PLEKHB1: variants seen among roughly 807,000 people sequenced by gnomAD.
PLEKHB1 encodes pleckstrin homology domain containing B1.
Under a neutral mutation model 36.2 loss-of-function variants are expected in PLEKHB1, and 29 were observed. The observed-to-expected ratio is 0.80, with a 90% confidence interval of 0.60 to 1.09. PLEKHB1 has a LOEUF of 1.09. PLEKHB1 is among the 50% of genes least tolerant of loss of function. PLEKHB1 has a pLI of 0.00. For synonymous variants in PLEKHB1, 138 were observed against 140.0 expected, an observed-to-expected ratio of 0.99 and a Z score of 0.10; for missense variants, 330 against 348.2, an observed-to-expected ratio of 0.95 and a Z score of 0.42.
Position 73,660,773 on chromosome 11 carries a change from C to T in PLEKHB1, c.516C>T (p.Tyr172=). 6.3e-7 allele frequency: 1 copy of T among 1,599,188 alleles called. No homozygotes were observed. The highest frequency in any genetic ancestry group is 8.5e-7 in the Non-Finnish European group (1 of 1,174,046). Residue 172 remains tyrosine (Y), a synonymous_variant, in exon 7 of 8, where the codon TAC becomes TAT. Coordinates refer to ENST00000354190, the MANE Select transcript of PLEKHB1 (RefSeq NM_021200.3). ...CCCAGGTGCGCGTCTACAGCCCGTA[C>T]CAAGACTACTACGAGGTGGTGCCCC... The part of the protein sequence containing the change: ...RRIWVRVYSP[Y]QDYYEVVPPN...
chr11:73,656,337 G>A lies in PLEKHB1; in HGVS notation c.495+430G>A, dbSNP rs566360862. ...TCTGTGTAGTCTTCCATGAGGCCTA[G>A]AACTTCCTCCAAGGCAAGAATGAGG... is the stretch of plus-strand genomic sequence containing the variant. On this transcript the variant is annotated intron_variant, in intron 6 of 7. Transcript: ENST00000354190. 4.6e-5 allele frequency among the ~76,000 whole-genome samples: 7 copies of A among 152,216 alleles called. No individual in the cohort carries two copies. The East Asian group carries it at 1.2e-3, about 25-fold the overall frequency.
chr11:73,647,612 C>T (rs1004395228), intron 1 of PLEKHB1: 20 of 985,260 alleles, frequency 2.0e-5, no homozygotes, highest in Non-Finnish European at 2.3e-5. Context: ...GGCTCTCAGG[C>T]GCTGCGGGAG....
At chr11:73,654,326 A>G (rs75688187) in intron 5 of PLEKHB1, among the ~76,000 whole-genome samples, 7,902 of 152,224 alleles carry the variant, frequency 0.052, 291 homozygotes, top group East Asian at 0.15. Context: ...TGTATGGCAC[A>G]ATGGAGCCCC....
In PLEKHB1 at chr11:73,660,756, C is replaced by T. The variant is rs1161864783; in HGVS notation, c.499C>T (p.Arg167Cys). Residue 167 changes from arginine to cysteine, a missense_variant, in exon 7 of 8, where the codon CGC becomes TGC. Transcript: ENST00000354190. ...PCKVERRIWV[R>C]VYSPYQDYYE... ...CTGACATGGTTGGATTCCCCAGGTG[C>T]GCGTCTACAGCCCGTACCAAGACTA... 6 of 1,589,208 alleles carry T rather than the reference C, an allele frequency of 3.8e-6. No individual in the cohort carries two copies. Among genetic ancestry groups the T allele is most frequent in the South Asian group, 1.2e-5 (1 of 86,538 alleles).
rs623566 is a variant in PLEKHB1 at position 73,647,994 on chromosome 11, T to C, written c.19-1018T>C. The C allele has an allele frequency of 0.025, 24,700 of 985,034 alleles. 4,507 individuals carry two copies. The African/African-American group carries it at 0.39, about 16-fold the overall frequency. 61.0% of individuals were successfully genotyped at this position (985,034 alleles called of 1,614,324 possible). ...CTGGATTCCAGTGCAAGCTACATCA[T>C]GTACATGGATGAGTCATTTGCTAAC... On this transcript the variant is annotated intron_variant, in intron 1 of 7. Coordinates refer to ENST00000354190, the MANE Select transcript of PLEKHB1 (RefSeq NM_021200.3).
intron 1 of PLEKHB1, chr11:73,648,642 A>G: frequency 9.8e-7 from 1 of 1,015,282 alleles, no homozygotes; most frequent in African/African-American, 1.7e-5. Context: ...GGCATATTCT[A>G]ATGTTTCAAG....
chr11:73,660,637 C>A, intron 6 of PLEKHB1, 116 bp from the exon 7 acceptor site: 1 of 988,472 alleles, frequency 1.0e-6, no homozygotes. Flanking sequence ...AGGCCCATTT[C>A]TAAACTTGGG....
intron 1 of PLEKHB1, 158 bp from the exon 2 acceptor site, chr11:73,648,854 C>T: frequency 7.1e-7 from 1 of 1,400,204 alleles, no homozygotes. Flanking sequence ...CATTCTCTTC[C>T]TGAGCAGAGA....
At chr11:73,651,735 G>C in intron 3 of PLEKHB1, 53 bp from the exon 4 acceptor site, 1 of 1,437,474 alleles carries the variant, frequency 7.0e-7, no homozygotes, top group Non-Finnish European at 9.7e-7. Flanking sequence ...GCTTTACTGG[G>C]GGGACCTGGG....
intron 5 of PLEKHB1, among the ~76,000 whole-genome samples, chr11:73,655,281 GT>G (rs898157441): frequency 2.2e-4 from 34 of 152,194 alleles, no homozygotes; most frequent in African/African-American, 7.5e-4. Flanking sequence ...TTGTGCCTGT[GT>G]CTACCTATCT....
chr11:73,650,816 C>T (rs1260329785), intron 3 of PLEKHB1, 111 bp downstream of exon 3: 4 of 1,275,618 alleles, frequency 3.1e-6, no homozygotes, highest in Non-Finnish European at 4.2e-6. Flanking sequence ...AGGCATTTCA[C>T]AGACATTGCT....
chr11:73,647,376 T>A (rs1404588119), intron 1 of PLEKHB1: 1 of 199,598 alleles, frequency 5.0e-6, no homozygotes, highest in African/African-American at 2.4e-5. Context: ...CTTTACTTTT[T>A]CTTTTTTTCT....
intron 6 of PLEKHB1, among the ~76,000 whole-genome samples, chr11:73,657,321 G>C (rs972025165): frequency 6.6e-6 from 1 of 152,160 alleles, no homozygotes; most frequent in Non-Finnish European, 1.5e-5. Flanking sequence ...CCAGCCCATC[G>C]TTCTGAGGTA....
intron 6 of PLEKHB1, among the ~76,000 whole-genome samples, chr11:73,656,740 A>G (rs1945000773): frequency 6.6e-6 from 1 of 152,230 alleles, no homozygotes; most frequent in Non-Finnish European, 1.5e-5. Flanking sequence ...AGTGGTGCTC[A>G]GTGTGGCTAT....
intron 5 of PLEKHB1, among the ~76,000 whole-genome samples, chr11:73,654,029 GA>G (rs34898891): frequency 6.8e-5 from 10 of 147,960 alleles, no homozygotes; most frequent in Middle Eastern, 3.4e-3. Flanking sequence ...TAGAAAAAAG[GA>G]AAAAAAAAAA....
rs930191037 is a variant in PLEKHB1, at chr11:73,661,767, A to G, written c.*165A>G. The G allele has an allele frequency of 3.7e-6, 3 of 818,538 alleles. No homozygotes were observed. The highest frequency in any genetic ancestry group is 5.5e-6 in the Non-Finnish European group (3 of 549,518). The allele number at this position is 818,538 out of a possible 1,614,324, so 50.7% of individuals were successfully genotyped here. A position where few individuals can be genotyped will look rare whatever the true frequency, so the allele number is the denominator to read the frequency against. On this transcript the variant is annotated 3_prime_UTR_variant, in exon 8 of 8. Coordinates refer to ENST00000354190, the MANE Select transcript of PLEKHB1 (RefSeq NM_021200.3). This position sits in a 1 kb window ranked among gnomAD's most constrained non-coding sequence, Gnocchi z 4.6. ...CCCCCACTCCCTACCCTTAATCCCC[A>G]CATGGGAAGAAGCTATCATCACAGG...
intron 1 of PLEKHB1, among the ~76,000 whole-genome samples, chr11:73,646,840 C>G (rs1240535516): frequency 6.6e-6 from 1 of 152,100 alleles, no homozygotes; most frequent in Non-Finnish European, 1.5e-5. Context: ...CTTCCTTTCT[C>G]CAGGTGGGCT....
chr11:73,659,824 T>G (rs1180468278), intron 6 of PLEKHB1, among the ~76,000 whole-genome samples: 2 of 152,174 alleles, frequency 1.3e-5, no homozygotes, highest in African/African-American at 4.8e-5. Flanking sequence ...CATGTGGAGC[T>G]AATACCTGCT....
At chr11:73,655,762 CT>C in intron 5 of PLEKHB1, 40 bp from the exon 6 acceptor site, 1 of 1,566,814 alleles carries the variant, frequency 6.4e-7, no homozygotes, top group Non-Finnish European at 8.8e-7. Context: ...CTGACACCCC[CT>C]CCCTCCCTCC....
Sources: allele counts gnomAD v4.1 joint callset (sites outside exome capture counted in the v4.1 genomes callset), GRCh38; gene constraint gnomAD v4.1.1; non-coding constraint Gnocchi (gnomAD v3.1); transcripts MANE v1.5; gene names NCBI Gene and HGNC (gene_info 2026-07-23, HGNC 2026-07-21).